Variants in RPS6KA2 observed in about 807,000 individuals in gnomAD.
The protein encoded by RPS6KA2 is ribosomal protein S6 kinase alpha-2.
A neutral mutation model predicts 91.8 loss-of-function variants in RPS6KA2; 42 were observed. That is an observed-to-expected ratio of 0.46 (90% CI 0.36 to 0.59). RPS6KA2 has a LOEUF of 0.59. Among genes scored for constraint, RPS6KA2 ranks in the 20% least tolerant of loss-of-function variants. RPS6KA2 has a pLI of 0.00. For synonymous variants in RPS6KA2, 414 were observed against 393.6 expected, an observed-to-expected ratio of 1.05 and a Z score of -0.61; for missense variants, 798 against 978.5, an observed-to-expected ratio of 0.82 and a Z score of 2.46.
At chr6:166,551,702 T>A (rs1341498420) in intron 1 of RPS6KA2, among the ~76,000 whole-genome samples, 2 of 151,788 alleles carry the variant, frequency 1.3e-5, no homozygotes, top group African/African-American at 2.4e-5. Context: ...AAAAAAAAAA[T>A]TAGATATGGT....
chr6:166,642,299 CA>C (rs902651417), intron 2 of RPS6KA2, among the ~76,000 whole-genome samples: 13 of 149,070 alleles, frequency 8.7e-5, no homozygotes, highest in East Asian at 5.8e-4. Context: ...CTCTGTCCTA[CA>C]AAAAAAAAAT....
At chr6:166,779,462 G>A (rs1312527718) in intron 2 of RPS6KA2, among the ~76,000 whole-genome samples, 1 of 152,190 alleles carries the variant, frequency 6.6e-6, no homozygotes, top group Non-Finnish European at 1.5e-5. Flanking sequence ...TTCACAAGAT[G>A]ACTGAGACAT....
chr6:166,838,799 G>A (rs1013834169), intron 2 of RPS6KA2, among the ~76,000 whole-genome samples: 1 of 150,228 alleles, frequency 6.7e-6, no homozygotes, highest in African/African-American at 2.5e-5. Context: ...CTGTGAGAAT[G>A]GTATGCGGCA....
rs534299491 is a variant in RPS6KA2, at chr6:166,666,561, C to T, written c.124-127777G>A. Among the ~76,000 whole-genome samples, 6 of 152,244 alleles carry T rather than the reference C, an allele frequency of 3.9e-5. No homozygotes were observed. The highest frequency in any genetic ancestry group is 2.1e-4 in the South Asian group (1 of 4,814). On this transcript the variant is annotated intron_variant, in intron 2 of 21. Transcript: ENST00000503859. This position sits in a 1 kb window ranked among gnomAD's most constrained non-coding sequence, Gnocchi z 4.0. ...TCAACACCACAAGCAAATCAACACC[C>T]GATAAGATACCCCCTCTCACCTGTT...
At chr6:166,528,795 A>G (rs906937065) in intron 3 of RPS6KA2, among the ~76,000 whole-genome samples, 55 of 152,032 alleles carry the variant, frequency 3.6e-4, no homozygotes, top group Admixed American at 9.8e-4. Flanking sequence ...GAATACATTT[A>G]TGCAGCCAAA....
intron 11 of RPS6KA2, chr6:166,463,523 CG>C (rs1474590983): frequency 6.6e-6 from 1 of 152,142 alleles, no homozygotes; most frequent in Non-Finnish European, 1.5e-5. Flanking sequence ...ACGAATTTCA[CG>C]GGAAACAAGC....
Position 166,470,002 on chromosome 6 carries a change from G to A in RPS6KA2, c.908-97C>T, listed in dbSNP as rs989974698. ...GTGTGGAGGGTGGGGATGTGCAGAG[G>A]TGGGGCCGTGGGAAGGAGCCCAGAG... is the stretch of plus-strand genomic sequence containing the variant. On this transcript the variant is annotated intron_variant, in intron 10 of 20. Coordinates refer to ENST00000265678, the MANE Select transcript of RPS6KA2 (RefSeq NM_021135.6). The A allele has an allele frequency of 7.3e-6, 8 of 1,099,680 alleles. No homozygotes were observed. The African/African-American group carries it at 1.2e-4, about 17-fold the overall frequency. The allele number at this position is 1,099,680 out of a possible 1,614,324, so 68.1% of individuals were successfully genotyped here. A position where few individuals can be genotyped will look rare whatever the true frequency, so the allele number is the denominator to read the frequency against.
intron 2 of RPS6KA2, chr6:166,702,122 T>C: frequency 6.5e-7 from 1 of 1,540,056 alleles, no homozygotes; most frequent in East Asian, 2.2e-5. Context: ...AGCCCCTGCA[T>C]TTTCTTTACG....
At chr6:166,588,960 G>T (rs80306617) in intron 1 of RPS6KA2, among the ~76,000 whole-genome samples, 26 of 152,332 alleles carry the variant, frequency 1.7e-4, no homozygotes, top group African/African-American at 6.3e-4. Context: ...TTGGGGGGAG[G>T]AGGAGTGGGT....
chr6:166,468,856 T>TCCGCCTCAAAAAAAAAAAAA (rs567161437), intron 11 of RPS6KA2, among the ~76,000 whole-genome samples: 2 of 112,178 alleles, frequency 1.8e-5, no homozygotes, highest in African/African-American at 3.9e-5. Flanking sequence ...AGAGCGAGAC[T>TCCGCCTCAAAAAAAAAAAAA]AAAAAAAAAA....
intron 2 of RPS6KA2, among the ~76,000 whole-genome samples, chr6:166,673,285 G>A (rs959346420): frequency 1.3e-5 from 2 of 152,156 alleles, no homozygotes; most frequent in East Asian, 1.9e-4. Context: ...AGGGATCTCT[G>A]TGCTGTGGAG....
intron 16 of RPS6KA2, among the ~76,000 whole-genome samples, chr6:166,425,715 A>C (rs1393039237): frequency 3.3e-5 from 5 of 151,926 alleles, no homozygotes; most frequent in Admixed American, 3.3e-4. Context: ...AGGCCATTAC[A>C]TAATGGTAAA....
intron 11 of RPS6KA2, among the ~76,000 whole-genome samples, chr6:166,461,285 G>A (rs969190448): frequency 6.6e-6 from 1 of 152,156 alleles, no homozygotes; most frequent in Non-Finnish European, 1.5e-5. Flanking sequence ...GCTTTCTGCA[G>A]TGAGGCACAG....
At chr6:166,748,111 C>T (rs534700370) in intron 2 of RPS6KA2, among the ~76,000 whole-genome samples, 4 of 152,276 alleles carry the variant, frequency 2.6e-5, no homozygotes, top group African/African-American at 7.2e-5. Context: ...TATCCTGTCA[C>T]TTTTGTATAG....
intron 2 of RPS6KA2, among the ~76,000 whole-genome samples, chr6:166,683,928 C>A (rs571915715): frequency 6.6e-6 from 1 of 152,296 alleles, no homozygotes; most frequent in East Asian, 1.9e-4. Context: ...GGCACCTCCC[C>A]TTCCCTTCTC....
At chr6:166,836,824 G>C (rs1037941062) in intron 2 of RPS6KA2, among the ~76,000 whole-genome samples, 1 of 152,190 alleles carries the variant, frequency 6.6e-6, no homozygotes, top group African/African-American at 2.4e-5. Flanking sequence ...AGCAAAGGCC[G>C]AGATGACTTT....
rs569667183 is a variant in RPS6KA2, at chr6:166,807,202, T to A, written c.123+50998A>T. Among the ~76,000 whole-genome samples the A allele has an allele frequency of 1.6e-4, 25 of 152,272 alleles. 1 individual carries two copies. The South Asian group carries it at 5.2e-3, about 32-fold the overall frequency. On this transcript the variant is annotated intron_variant, in intron 2 of 21. Coordinates refer to the RPS6KA2 transcript ENST00000503859. ...AAACTCTCCAATCAAAAGGCAAATA[T>A]TGGGAGAATGGATAAAAAAGACATT...
chr6:166,526,785 T>C (rs1475670788), intron 3 of RPS6KA2, among the ~76,000 whole-genome samples: 1 of 152,222 alleles, frequency 6.6e-6, no homozygotes, highest in Non-Finnish European at 1.5e-5. Context: ...TAACAGAGTA[T>C]AGGGAAGAAG....
At chr6:166,715,711 G>A (rs1439252063) in intron 2 of RPS6KA2, among the ~76,000 whole-genome samples, 1 of 152,152 alleles carries the variant, frequency 6.6e-6, no homozygotes, top group Non-Finnish European at 1.5e-5. Context: ...GAACACTGGA[G>A]GCAGCTGCAG....
Sources: gnomAD v4.1 joint callset for allele counts (sites outside exome capture counted in the v4.1 genomes callset) on GRCh38, gnomAD v4.1.1 for gene constraint, Gnocchi (gnomAD v3.1) non-coding constraint, MANE v1.5 for transcripts, NCBI Gene and HGNC (gene_info 2026-07-23, HGNC 2026-07-21) for gene names.